Variants in UPF2 observed in about 807,000 individuals in gnomAD.
UPF2 encodes UPF2 regulator of nonsense mediated mRNA decay.
UPF2 carries 17 observed loss-of-function variants against 141.4 expected under a neutral mutation model. That is an observed-to-expected ratio of 0.12 (90% confidence interval 0.08 to 0.18). The LOEUF (loss-of-function observed/expected upper bound fraction) is 0.18. Ranked by LOEUF, UPF2 falls within the 10% of genes least tolerant of loss-of-function variation. UPF2 has a pLI of 1.00. For synonymous variants in UPF2, 540 were observed against 498.0 expected, an observed-to-expected ratio of 1.08 and a Z score of -1.12; for missense variants, 1,152 against 1,515.9, an observed-to-expected ratio of 0.76 and a Z score of 3.99.
intron 8 of UPF2, among the ~76,000 whole-genome samples, chr10:11,987,349 T>C (rs1183200985): frequency 1.3e-5 from 2 of 152,200 alleles, no homozygotes; most frequent in Admixed American, 6.5e-5. Context: ...AAAAAAGATA[T>C]AAACACTTAA....
At chr10:11,949,199 T>C (rs997333992) in intron 15 of UPF2, among the ~76,000 whole-genome samples, 5 of 152,214 alleles carry the variant, frequency 3.3e-5, no homozygotes, top group African/African-American at 1.2e-4. Flanking sequence ...ACTTTTGATA[T>C]GCACACAATG....
At chr10:12,026,156 C>T (rs1462481471) in intron 3 of UPF2, among the ~76,000 whole-genome samples, 2 of 152,034 alleles carry the variant, frequency 1.3e-5, no homozygotes, top group East Asian at 1.9e-4. Context: ...AAATAATATA[C>T]AAAAAGCATC....
chr10:11,925,210 C>T lies in UPF2; in HGVS notation c.3810-3903G>A, dbSNP rs147069871. 1.6e-3 allele frequency among the ~76,000 whole-genome samples: 244 copies of T among 152,300 alleles called. 1 individual carries two copies. Among genetic ancestry groups the T allele is most frequent in the African/African-American group, 5.4e-3 (225 of 41,558 alleles). On this transcript the variant is annotated intron_variant, in intron 21 of 21. Transcript: ENST00000357604. ...ATGTTTGTTCATCTACCATGTTTAT[C>T]GCACCTATACTTTAGGAGCATTGAC... is the stretch of plus-strand genomic sequence containing the variant.
chr10:11,938,842 GT>G (rs1204744093), intron 18 of UPF2, among the ~76,000 whole-genome samples: 26 of 45,860 alleles, frequency 5.7e-4, no homozygotes, highest in South Asian at 3.0e-3. Context: ...TCTTAAGCAA[GT>G]TTTTTTTTTG....
At chr10:11,988,111 T>C (rs1004717489) in intron 8 of UPF2, among the ~76,000 whole-genome samples, 21 of 152,184 alleles carry the variant, frequency 1.4e-4, no homozygotes, top group Non-Finnish European at 8.8e-5. Flanking sequence ...GAATAGATAC[T>C]TCTCCAAAGA....
At position 12,014,138 on chromosome 10, in the gene UPF2, G is replaced by C; in HGVS notation, c.1192C>G (p.Gln398Glu). Reference sequence around the variant, plus strand: ...TAAGACATAGCAAATTCCTCATACTGTTTATGTCTATCTTCACTGAGCTCC... The same window carrying C: ...TAAGACATAGCAAATTCCTCATACTCTTTATGTCTATCTTCACTGAGCTCC... ...KGELSEDRHK[Q>E]YEEFAMSYQK... The change falls in exon 4 of 22, where the codon CAG (glutamine) becomes GAG (glutamate). Residue 398 changes from glutamine to glutamate, a missense_variant. This residue lies in a region of UPF2 where 739 missense variants were observed against 1,032.2 expected (regional missense o/e 0.72). Coordinates refer to ENST00000357604, the MANE Select transcript of UPF2 (RefSeq NM_015542.4). This position sits in a 1 kb window ranked among gnomAD's most constrained non-coding sequence, Gnocchi z 5.0. 1 of 1,565,332 alleles carries C rather than the reference G, an allele frequency of 6.4e-7. No individual in the cohort carries two copies. The highest frequency in any genetic ancestry group is 8.7e-7 in the Non-Finnish European group (1 of 1,152,148).
chr10:12,026,245 A>C (rs1469564998), intron 3 of UPF2, among the ~76,000 whole-genome samples: 1 of 152,208 alleles, frequency 6.6e-6, no homozygotes, highest in Non-Finnish European at 1.5e-5. Flanking sequence ...GGTGAAGAAG[A>C]AGTGGCTTGT....
intron 8 of UPF2, among the ~76,000 whole-genome samples, chr10:11,982,587 T>C (rs970458510): frequency 1.3e-5 from 2 of 152,182 alleles, no homozygotes; most frequent in Non-Finnish European, 2.9e-5. Context: ...CCAAGGAAAC[T>C]GCACCTAACC....
intron 18 of UPF2, among the ~76,000 whole-genome samples, chr10:11,941,384 T>C (rs1588529071): frequency 6.6e-6 from 1 of 152,200 alleles, no homozygotes; most frequent in Non-Finnish European, 1.5e-5. Context: ...GCTTTCTGGA[T>C]ATATGAAGAC....
At chr10:11,999,861 A>T in intron 7 of UPF2, 45 bp downstream of exon 7, 1 of 1,497,284 alleles carries the variant, frequency 6.7e-7, no homozygotes, top group Non-Finnish European at 9.3e-7. Flanking sequence ...GAGGACTCCT[A>T]CAAGGTCCAT....
At chr10:11,964,473 A>C (rs1833288215) in intron 10 of UPF2, among the ~76,000 whole-genome samples, 1 of 152,198 alleles carries the variant, frequency 6.6e-6, no homozygotes. Flanking sequence ...TTCTCACTAC[A>C]AAAGTATTAT....
At chr10:11,983,679 CTTATTT>C (rs936175675) in intron 8 of UPF2, among the ~76,000 whole-genome samples, 23 of 151,342 alleles carry the variant, frequency 1.5e-4, no homozygotes, top group Non-Finnish European at 3.4e-4. Context: ...GCCTTGGATT[CTTATTT>C]TTAATATACT....
In UPF2 at chr10:11,935,162, TC is replaced by T. The variant is rs1420505737; in HGVS notation, c.3546+1382del. 6.6e-6 allele frequency among the ~76,000 whole-genome samples: 1 copy of T among 152,134 alleles called. No homozygotes were observed. The highest frequency in any genetic ancestry group is 1.5e-5 in the Non-Finnish European group (1 of 68,018). On this transcript the variant is annotated intron_variant, in intron 19 of 21. Coordinates refer to ENST00000357604, the MANE Select transcript of UPF2 (RefSeq NM_015542.4). This position sits in a 1 kb window ranked among gnomAD's most constrained non-coding sequence, Gnocchi z 4.9. Reference sequence around the variant, plus strand: ...TGATCATCCTACCTAAGAGGCAGCCTCCCTCTCCTGGCATCTCACCATCCGT... The same window carrying T: ...TGATCATCCTACCTAAGAGGCAGCCTCCTCTCCTGGCATCTCACCATCCGT...
intron 10 of UPF2, among the ~76,000 whole-genome samples, chr10:11,964,426 T>C (rs1204490862): frequency 6.6e-6 from 1 of 152,244 alleles, no homozygotes; most frequent in Non-Finnish European, 1.5e-5. Context: ...ATTTTCTCAA[T>C]GCCTTTTGTC....
chr10:11,947,274 A>G (rs981762519), intron 16 of UPF2, among the ~76,000 whole-genome samples: 1 of 152,248 alleles, frequency 6.6e-6, no homozygotes, highest in Non-Finnish European at 1.5e-5. Context: ...GCTAAGTCAG[A>G]AACAGTACAA....
intron 1 of UPF2, among the ~76,000 whole-genome samples, chr10:12,038,376 TCTCA>T (rs200377104): frequency 2.1e-5 from 2 of 95,638 alleles, no homozygotes; most frequent in African/African-American, 3.6e-5. Flanking sequence ...TGAGACTCCA[TCTCA>T]CACACACACA....
At chr10:11,948,252 A>G (rs1333144337) in intron 16 of UPF2, 117 bp downstream of exon 16, 1 of 900,482 alleles carries the variant, frequency 1.1e-6, no homozygotes, top group African/African-American at 1.7e-5. Flanking sequence ...TGTCTCAAAA[A>G]AAAAAAAAAA....
At chr10:11,986,681 A>G (rs979555416) in intron 8 of UPF2, among the ~76,000 whole-genome samples, 2 of 152,260 alleles carry the variant, frequency 1.3e-5, no homozygotes, top group African/African-American at 4.8e-5. Flanking sequence ...TGATTCCTAA[A>G]AAATGAAATA....
At position 11,945,450 on chromosome 10, in the gene UPF2, T is replaced by C. The variant is rs571565519; in HGVS notation, c.3175-2282A>G. Among the ~76,000 whole-genome samples the C allele has an allele frequency of 3.5e-4, 53 of 152,336 alleles. 1 individual carries two copies. The highest frequency in any genetic ancestry group is 1.3e-3 in the African/African-American group (52 of 41,582). Reference sequence around the variant, plus strand: ...TGTTTGGAGGGCGGTCATAGGAAACTGGTCTTGGGGTGAAAGGAGAAGTGA... The same window carrying C: ...TGTTTGGAGGGCGGTCATAGGAAACCGGTCTTGGGGTGAAAGGAGAAGTGA... On this transcript the variant is annotated intron_variant, in intron 16 of 21. Coordinates refer to ENST00000357604, the MANE Select transcript of UPF2 (RefSeq NM_015542.4).
Sources: gnomAD v4.1 joint callset for allele counts (sites outside exome capture counted in the v4.1 genomes callset) on GRCh38, gnomAD v4.1.1 for gene constraint, gnomAD v4.1.1 regional missense constraint, Gnocchi (gnomAD v3.1) non-coding constraint, MANE v1.5 for transcripts, NCBI Gene and HGNC (gene_info 2026-07-23, HGNC 2026-07-21) for gene names.